Variants in BRME1 observed in about 807,000 individuals in gnomAD.
The protein encoded by BRME1 is BRCA2 and MEILB2-associating protein 1.
BRME1 carries 31 observed loss-of-function variants against 52.6 expected under a neutral mutation model. The ratio of observed to expected loss-of-function variants is 0.59; its 90% confidence interval spans 0.44 to 0.80. The LOEUF is 0.80. Ranked by LOEUF, BRME1 falls within the 30% of genes least tolerant of loss-of-function variation. BRME1 has a pLI of 0.00. For synonymous variants in BRME1, 359 were observed against 353.6 expected, an observed-to-expected ratio of 1.02 and a Z score of -0.17; for missense variants, 804 against 860.3, an observed-to-expected ratio of 0.93 and a Z score of 0.82.
In BRME1 at chr19:13,889,851, C is replaced by A. The variant is rs1969338420; in HGVS notation, c.1005G>T (p.Gly335=). 2 of 1,613,192 alleles carry A rather than the reference C, an allele frequency of 1.2e-6. No homozygotes were observed. Among genetic ancestry groups the A allele is most frequent in the Non-Finnish European group, 1.7e-6 (2 of 1,179,992 alleles). ...THSSLGCSSL[G]MVVIADLSTD... ...TGCTCAGGTCTGCGATGACAACCAT[C>A]CCGAGGGAGGAGCATCCCAGGCTGC... Residue 335 remains glycine (G), a synonymous_variant, in exon 6 of 9, where the codon GGG becomes GGT. Coordinates refer to ENST00000586783, the MANE Select transcript of BRME1 (RefSeq NM_001345843.2).
chr19:13,898,893 A>G (rs1970102663), intron 2 of BRME1, among the ~76,000 whole-genome samples: 1 of 143,508 alleles, frequency 7.0e-6, no homozygotes, highest in South Asian at 2.2e-4. Context: ...ATTGCACTCC[A>G]GCCTGGGCAA....
chr19:13,904,761 AG>A, intron 2 of BRME1, 100 bp downstream of exon 2: 1 of 1,237,352 alleles, frequency 8.1e-7, no homozygotes, highest in East Asian at 2.3e-5. Context: ...CCTTTTAAGG[AG>A]GTTAAGGCAG....
intron 2 of BRME1, among the ~76,000 whole-genome samples, chr19:13,897,105 C>T (rs1969961141): frequency 6.7e-6 from 1 of 148,906 alleles, no homozygotes. Context: ...ATGGCACGAT[C>T]TCTGCTCACC....
chr19:13,889,731 G>T lies in BRME1; in HGVS notation c.1125C>A (p.Ala375=). Residue 375 remains alanine, a synonymous_variant, in exon 6 of 9, where the codon GCC becomes GCA. Transcript: ENST00000586783. ...AGGCCCTCCTGTGGCCTCCATCAGC[G>T]GCCTTCCTCCTGGGAGAGGCAGGTG... is the stretch of plus-strand genomic sequence containing the variant. ...AISPASPRRK[A]ADGGHRRALP... is the part of the protein sequence containing the mutation. 1 of 1,608,510 alleles carries T rather than the reference G, an allele frequency of 6.2e-7. No homozygotes were observed. The highest frequency in any genetic ancestry group is 8.5e-7 in the Non-Finnish European group (1 of 1,178,164).
At chr19:13,893,853 G>C (rs951189072) in intron 3 of BRME1, among the ~76,000 whole-genome samples, 1 of 151,978 alleles carries the variant, frequency 6.6e-6, no homozygotes, top group Non-Finnish European at 1.5e-5. Flanking sequence ...GGGAGTTCAG[G>C]CTGCAATGAG....
rs150519514 is a variant in BRME1, at chr19:13,893,044, T to C, written c.288+98A>G. On this transcript the variant is annotated intron_variant, in intron 4 of 8. Coordinates refer to ENST00000586783, the MANE Select transcript of BRME1 (RefSeq NM_001345843.2). Reference sequence around the variant, plus strand: ...CATTCCCTCCAGCCCCTGTAGACCATGAGTGAGCAATTGGTGACAAAGAAG... The same window carrying C: ...CATTCCCTCCAGCCCCTGTAGACCACGAGTGAGCAATTGGTGACAAAGAAG... The C allele has an allele frequency of 7.0e-4, 954 of 1,370,096 alleles. 12 individuals carry two copies. In the East Asian group the frequency reaches 0.021, roughly 30 times the overall value. 84.9% of individuals were successfully genotyped at this position (1,370,096 alleles called of 1,614,324 possible). A position where few individuals can be genotyped will look rare whatever the true frequency, so the allele number is the denominator to read the frequency against.
chr19:13,904,212 T>C (rs925464755), intron 2 of BRME1, among the ~76,000 whole-genome samples: 2 of 152,022 alleles, frequency 1.3e-5, no homozygotes, highest in African/African-American at 2.4e-5. Flanking sequence ...CAAGCAATCT[T>C]CCTGCCTCAA....
chr19:13,889,633 G>T lies in BRME1; in HGVS notation c.1223C>A (p.Pro408His). 1 of 1,608,176 alleles carries T rather than the reference G, an allele frequency of 6.2e-7. No individual in the cohort carries two copies. The highest frequency in any genetic ancestry group is 8.5e-7 in the Non-Finnish European group (1 of 1,176,820). Residue 408 changes from proline (P) to histidine (H), a missense_variant, in exon 6 of 9, where the codon CCC (proline) becomes CAC (histidine). Around this residue, in one of 3 missense-constraint regions of BRME1, gnomAD observed 552 missense variants for 561.1 expected, o/e 0.98. Transcript: ENST00000586783. ...TGTAGGGCCCACTAGGACATCGCCG[G>T]GGGGCTTGCCATCCTGCCCTGCCTC... ...SGEAGQDGKPPGDVLVGPTAS... is the reference protein window; with the variant it reads ...SGEAGQDGKPHGDVLVGPTAS...
rs1969218402 is a variant in BRME1 at position 13,888,707 on chromosome 19, G to C, written c.1668+481C>G. 6.6e-6 allele frequency among the ~76,000 whole-genome samples: 1 copy of C among 152,170 alleles called. No homozygotes were observed. On this transcript the variant is annotated intron_variant, in intron 6 of 8. Transcript: ENST00000586783. This position sits in a 1 kb window ranked among gnomAD's most constrained non-coding sequence, Gnocchi z 4.1. ...TATGTTTGGAAAAGAATCATATCAG[G>C]ACCCCCAGAGGACCCTAAGGAGATG... is the stretch of plus-strand genomic sequence containing the variant.
Position 13,890,053 on chromosome 19 carries a change from C to T in BRME1, c.803G>A (p.Gly268Glu), listed in dbSNP as rs773294466. 1.9e-6 allele frequency: 3 copies of T among 1,613,552 alleles called. No individual in the cohort carries two copies. The Admixed American group carries it at 5.0e-5, about 27-fold the overall frequency. The change falls in exon 6 of 9, where the codon GGG becomes GAG. Residue 268 changes from glycine (G) to glutamate (E), a missense_variant. Physicochemically the swap from Gly to Glu is moderately conservative, Grantham distance 98 (BLOSUM62 -2). Transcript: ENST00000586783. The part of the protein sequence containing the change: ...QRTAGAGLPG[G>E]PQEEGDGVPC... ...GACACCGTCTCCCTCCTCCTGGGGC[C>T]CTCCAGGCAGGCCAGCCCCTGCTGT...
intron 2 of BRME1, among the ~76,000 whole-genome samples, chr19:13,899,013 C>T (rs559543757): frequency 1.7e-4 from 26 of 151,758 alleles, no homozygotes; most frequent in Admixed American, 3.9e-4. Context: ...ACTTACACAT[C>T]GTGAAGTAAA....
At position 13,896,830 on chromosome 19, in the gene BRME1, A is replaced by G. The variant is rs145131482; in HGVS notation, c.32-1284T>C. On this transcript the variant is annotated intron_variant, in intron 2 of 8. Coordinates refer to ENST00000586783, the MANE Select transcript of BRME1 (RefSeq NM_001345843.2). ...CTCAGGCCACTCAAGTAGCTGGGACAAAAGGTGTGTGCCACCATGCCTGGC... is the reference window on the plus strand; with the variant it reads ...CTCAGGCCACTCAAGTAGCTGGGACGAAAGGTGTGTGCCACCATGCCTGGC... Among the ~76,000 whole-genome samples, 34 of 151,866 alleles carry G rather than the reference A, an allele frequency of 2.2e-4. No homozygotes were observed. The East Asian group carries it at 6.4e-3, about 29-fold the overall frequency.
At chr19:13,893,614 A>G (rs1454660784) in intron 3 of BRME1, among the ~76,000 whole-genome samples, 1 of 152,112 alleles carries the variant, frequency 6.6e-6, no homozygotes, top group African/African-American at 2.4e-5. Flanking sequence ...ACAAAATCCA[A>G]CAGGAAACCA....
chr19:13,883,206 G>T lies in BRME1; in HGVS notation c.1856+102C>A. ...AGCAGCAGTGAGGTGCCTGACCCTC[G>T]CTGCCCACCTAGGGGCTTCACACTT... On this transcript the variant is annotated intron_variant, in intron 8 of 8. Transcript: ENST00000586783. The surrounding 1 kb of genome is among the most constrained non-coding windows in gnomAD (Gnocchi z 4.2). 1.7e-6 allele frequency: 2 copies of T among 1,142,956 alleles called. No individual in the cohort carries two copies. The highest frequency in any genetic ancestry group is 1.4e-5 in the South Asian group (1 of 69,630). The allele number at this position is 1,142,956 out of a possible 1,614,324, so 70.8% of individuals were successfully genotyped here.
At chr19:13,891,135 T>TTTTTTTTTTTTTTATTATTA (rs59151567) in intron 5 of BRME1, among the ~76,000 whole-genome samples, 19 of 146,634 alleles carry the variant, frequency 1.3e-4, no homozygotes, top group African/African-American at 4.4e-4. Flanking sequence ...CAATTTCCTG[T>TTTTTTTTTTTTTTATTATTA]TTATTATTAT....
intron 6 of BRME1, 99 bp from the exon 7 acceptor site, chr19:13,886,154 G>C: frequency 1.1e-6 from 1 of 949,926 alleles, no homozygotes; most frequent in South Asian, 1.5e-5. Flanking sequence ...GCTTCACCGC[G>C]GCCACAGCAG....
chr19:13,904,894 T>G lies in BRME1; in HGVS notation c.-2A>C. ...CCGCAGCTTCTTCCTCTTAGTCATTTTATCTTCCCCTTGAGAAATCTGAAA... is the reference window on the plus strand; with the variant it reads ...CCGCAGCTTCTTCCTCTTAGTCATTGTATCTTCCCCTTGAGAAATCTGAAA... On this transcript the variant is annotated 5_prime_UTR_variant, in exon 2 of 9. Transcript: ENST00000586783. 3 of 1,613,736 alleles carry G rather than the reference T, an allele frequency of 1.9e-6. No individual in the cohort carries two copies. The highest frequency in any genetic ancestry group is 1.7e-6 in the Non-Finnish European group (2 of 1,179,700).
At chr19:13,903,367 T>A (rs1970423596) in intron 2 of BRME1, among the ~76,000 whole-genome samples, 2 of 151,848 alleles carry the variant, frequency 1.3e-5, no homozygotes, top group South Asian at 2.1e-4. Flanking sequence ...TTTCCCCAGT[T>A]ATGAAAACCA....
In BRME1 at chr19:13,889,168, T is replaced by C; in HGVS notation, c.1668+20A>G. 1.3e-6 allele frequency: 2 copies of C among 1,532,776 alleles called. No homozygotes were observed. The highest frequency in any genetic ancestry group is 1.8e-6 in the Non-Finnish European group (2 of 1,140,154). The allele number at this position is 1,532,776 out of a possible 1,614,324, so 94.9% of individuals were successfully genotyped here. On this transcript the variant is annotated intron_variant, in intron 6 of 8. Transcript: ENST00000586783. ...TGCCTGCCCTGGGCAGGTATGTCTGTCACTCAGGGCAGCTCTCACCTGCTC... is the reference window on the plus strand; with the variant it reads ...TGCCTGCCCTGGGCAGGTATGTCTGCCACTCAGGGCAGCTCTCACCTGCTC...
Sources: gnomAD v4.1 joint callset for allele counts (sites outside exome capture counted in the v4.1 genomes callset) on GRCh38, gnomAD v4.1.1 for gene constraint, gnomAD v4.1.1 regional missense constraint, Gnocchi (gnomAD v3.1) non-coding constraint, MANE v1.5 for transcripts, NCBI Gene and HGNC (gene_info 2026-07-23, HGNC 2026-07-21) for gene names.